The following TTLL8 variants were observed in gnomAD, a reference collection of about 807,000 sequenced individuals.
The protein encoded by TTLL8 is tubulin tyrosine ligase like 8, also known as protein monoglycylase TTLL8.
In TTLL8, 65 loss-of-function variants were observed where a neutral mutation model predicts 77.8. The ratio of observed to expected loss-of-function variants is 0.84; its 90% CI spans 0.68 to 1.03. TTLL8 has a LOEUF of 1.03. TTLL8 is among the 50% of genes least tolerant of loss of function. The pLI is 0.00. For synonymous variants in TTLL8, 402 were observed against 422.8 expected, an observed-to-expected ratio of 0.95 and a Z score of 0.60; for missense variants, 910 against 1,004.5, an observed-to-expected ratio of 0.91 and a Z score of 1.27.
At chr22:50,025,531 C>T (rs565683847) in intron 12 of TTLL8, among the ~76,000 whole-genome samples, 15 of 152,172 alleles carry the variant, frequency 9.9e-5, no homozygotes, top group African/African-American at 3.4e-4. Context: ...CCCAGCTACT[C>T]GGGAGGCTGA....
Position 50,033,187 on chromosome 22 carries a change from G to T in TTLL8, c.1283+15C>A, listed in dbSNP as rs569620278. On this transcript the variant is annotated intron_variant, in intron 10 of 13. Transcript: ENST00000266182. ...TTCCCTGGCCCGAGGTGTCCAGGTCGCCCACCGCACTGACCTGTCCAGCTT... is the reference window on the plus strand; with the variant it reads ...TTCCCTGGCCCGAGGTGTCCAGGTCTCCCACCGCACTGACCTGTCCAGCTT... 3 of 1,304,386 alleles carry T rather than the reference G, an allele frequency of 2.3e-6. No individual in the cohort carries two copies. The highest frequency in any genetic ancestry group is 2.0e-6 in the Non-Finnish European group (2 of 985,410). 80.8% of individuals were successfully genotyped at this position (1,304,386 alleles called of 1,614,324 possible). A position where few individuals can be genotyped will look rare whatever the true frequency, so the allele number is the denominator to read the frequency against.
chr22:50,041,701 G>A lies in TTLL8; in HGVS notation c.750C>T (p.Ile250=), dbSNP rs371137780. Residue 250 remains isoleucine, a synonymous_variant, in exon 7 of 14, where the codon ATC becomes ATT. Coordinates refer to ENST00000266182, the Ensembl canonical transcript of TTLL8. This position sits in a 1 kb window ranked among gnomAD's most constrained non-coding sequence, Gnocchi z 4.3. ...CCTCCACGGCATCTGCTGACGTGTC[G>A]ATGTCCTCATGCTCCAGCTGCCCCA... is the stretch of plus-strand genomic sequence containing the variant. 24 of 1,366,820 alleles carry A rather than the reference G, an allele frequency of 1.8e-5. No homozygotes were observed. Among genetic ancestry groups the A allele is most frequent in the Middle Eastern group, 2.1e-4 (1 of 4,766 alleles). 84.7% of individuals were successfully genotyped at this position (1,366,820 alleles called of 1,614,324 possible). A position where few individuals can be genotyped will look rare whatever the true frequency, so the allele number is the denominator to read the frequency against.
At chr22:50,049,765 A>C (rs1163487859) in intron 2 of TTLL8, among the ~76,000 whole-genome samples, 1 of 152,142 alleles carries the variant, frequency 6.6e-6, no homozygotes, top group African/African-American at 2.4e-5. Flanking sequence ...AGCAGCCAGC[A>C]CCACGGGGGC....
chr22:50,044,871 T>TGGGCTTCCTGTGTCC lies in TTLL8; in HGVS notation c.643+369_643+383dup, dbSNP rs1569231014. ...GTACCACCCAGGGGCGCCTCTCCCC[T>TGGGCTTCCTGTGTCC]GGGCTTCCTGTGTCCTCTCCCACGG... is the stretch of plus-strand genomic sequence containing the variant. On this transcript the variant is annotated intron_variant, in intron 6 of 13. Coordinates refer to ENST00000266182, the Ensembl canonical transcript of TTLL8. The surrounding 1 kb of genome is among the most constrained non-coding windows in gnomAD (Gnocchi z 4.2). Among the ~76,000 whole-genome samples, 1 of 152,160 alleles carries TGGGCTTCCTGTGTCC rather than the reference T, an allele frequency of 6.6e-6. No individual in the cohort carries two copies. The highest frequency in any genetic ancestry group is 1.5e-5 in the Non-Finnish European group (1 of 68,000).
In TTLL8 at chr22:50,044,026, G is replaced by A. The variant is rs1472366095; in HGVS notation, c.643+1229C>T. Among the ~76,000 whole-genome samples the A allele has an allele frequency of 6.6e-6, 1 of 152,112 alleles. No individual in the cohort carries two copies. Among genetic ancestry groups the A allele is most frequent in the Non-Finnish European group, 1.5e-5 (1 of 68,016 alleles). On this transcript the variant is annotated intron_variant, in intron 6 of 13. Transcript: ENST00000266182. This position sits in a 1 kb window ranked among gnomAD's most constrained non-coding sequence, Gnocchi z 4.2. Reference sequence around the variant, plus strand: ...GTGTCATTGTAGGTTCATCAATTGTGTTAAAATCATTAATTAGGCCAGGTA... The same window carrying A: ...GTGTCATTGTAGGTTCATCAATTGTATTAAAATCATTAATTAGGCCAGGTA...
chr22:50,052,720 T>G (rs77905794), intron 1 of TTLL8, among the ~76,000 whole-genome samples: 3 of 152,182 alleles, frequency 2.0e-5, no homozygotes, highest in Non-Finnish European at 4.4e-5. Flanking sequence ...TTCAATTCAC[T>G]AGAAAGATAC....
intron 8 of TTLL8, among the ~76,000 whole-genome samples, chr22:50,040,249 C>G (rs1208931564): frequency 6.6e-6 from 1 of 150,908 alleles, no homozygotes; most frequent in East Asian, 1.9e-4. Flanking sequence ...CGTAGGCAGA[C>G]CTCATGGATC....
At position 50,050,166 on chromosome 22, in the gene TTLL8, A is replaced by T. The variant is rs1394764758; in HGVS notation, c.133T>A (p.Phe45Ile). The T allele has an allele frequency of 8.0e-6, 11 of 1,366,732 alleles. No individual in the cohort carries two copies. In the South Asian group the frequency reaches 1.3e-4, roughly 16 times the overall value. 84.7% of individuals were successfully genotyped at this position (1,366,732 alleles called of 1,614,324 possible). A position where few individuals can be genotyped will look rare whatever the true frequency, so the allele number is the denominator to read the frequency against. ...GGAATGACCTTGGGCAAAAAGTGGA[A>T]CTTCTTCTCTACCCAGCCCTTCCTT... Residue 45 changes from phenylalanine (F) to isoleucine (I), a missense_variant, in exon 2 of 14, where the codon TTC (phenylalanine) becomes ATC (isoleucine). Phe to Ile is a conservative substitution (Grantham distance 21). Coordinates refer to ENST00000266182, the Ensembl canonical transcript of TTLL8.
chr22:50,049,949 GC>G (rs1288902532), intron 2 of TTLL8, 159 bp downstream of exon 4: 2 of 739,046 alleles, frequency 2.7e-6, no homozygotes, highest in Non-Finnish European at 3.3e-6. Context: ...ACCGCCTGGG[GC>G]AGGGAGGCCA....
chr22:50,050,134 G>A lies in TTLL8; in HGVS notation c.165C>T (p.Val55=), dbSNP rs770977734. The change falls in exon 2 of 14, where the codon GTC becomes GTT. Residue 55 remains valine, a synonymous_variant. Transcript: ENST00000266182. ...CATTGACCCGGGCGCCTTCATCCTCGACATCCGGAATGACCTTGGGCAAAA... is the reference window on the plus strand; with the variant it reads ...CATTGACCCGGGCGCCTTCATCCTCAACATCCGGAATGACCTTGGGCAAAA... 19 of 1,367,102 alleles carry A rather than the reference G, an allele frequency of 1.4e-5. No individual in the cohort carries two copies. In the Middle Eastern group the frequency reaches 6.3e-4, roughly 45 times the overall value. 84.7% of individuals were successfully genotyped at this position (1,367,102 alleles called of 1,614,324 possible).
upstream of TTLL8, among the ~76,000 whole-genome samples, chr22:50,057,462 GGGGATCAGGTCTGGATTGT>G (rs2061483397): frequency 6.2e-4 from 67 of 107,506 alleles, no homozygotes; most frequent in East Asian, 2.0e-3. Flanking sequence ...GTCTGGGTTG[GGGGATCAGGTCTGGATTGT>G]GGGTCAGGTC....
chr22:50,033,878 T>C (rs2061316818), intron 9 of TTLL8, among the ~76,000 whole-genome samples: 1 of 151,894 alleles, frequency 6.6e-6, no homozygotes, highest in Admixed American at 6.6e-5. Context: ...CTACTAAAAA[T>C]ACAAAAAATT....
chr22:50,049,080 G>T, intron 3 of TTLL8, 169 bp downstream of exon 5: 1 of 908,048 alleles, frequency 1.1e-6, no homozygotes, highest in Non-Finnish European at 1.3e-6. Context: ...CCCACCCCTG[G>T]GGGCAGCCAG....
chr22:50,054,014 A>G (rs11703383), intron 1 of TTLL8, among the ~76,000 whole-genome samples: 15,456 of 147,432 alleles, frequency 0.1, 897 homozygotes, highest in South Asian at 0.19. Flanking sequence ...GTCTGCACAT[A>G]TTTGTACACG....
At chr22:50,046,455 T>C (rs2061412331) in intron 4 of TTLL8, among the ~76,000 whole-genome samples, 1 of 152,196 alleles carries the variant, frequency 6.6e-6, no homozygotes, top group African/African-American at 2.4e-5. Context: ...GATGTCTGGT[T>C]TGTCACCCTG....
intron 12 of TTLL8, among the ~76,000 whole-genome samples, chr22:50,024,931 T>C (rs2146628394): frequency 6.6e-6 from 1 of 152,336 alleles, no homozygotes; most frequent in East Asian, 1.9e-4. Flanking sequence ...GTTTAATTTT[T>C]GGAGCAGGTG....
chr22:50,046,251 A>C (rs2146686331), intron 4 of TTLL8, among the ~76,000 whole-genome samples: 1 of 152,196 alleles, frequency 6.6e-6, no homozygotes, highest in South Asian at 2.1e-4. Context: ...GCTGCAGCTG[A>C]GGGCACCGAG....
Position 50,033,097 on chromosome 22 carries a change from A to T in TTLL8, c.1283+105T>A, listed in dbSNP as rs1431035821. ...TGTGCCTCTCGTGGTGGCAGGTGGC[A>T]GTGAGGGGGCCCTGCCCGTGCTGCT... On this transcript the variant is annotated intron_variant, in intron 10 of 13. Coordinates refer to ENST00000266182, the Ensembl canonical transcript of TTLL8. 1.1e-5 allele frequency: 13 copies of T among 1,222,410 alleles called. No individual in the cohort carries two copies. The Admixed American group carries it at 2.9e-4, about 27-fold the overall frequency. 75.7% of individuals were successfully genotyped at this position (1,222,410 alleles called of 1,614,324 possible). A position where few individuals can be genotyped will look rare whatever the true frequency, so the allele number is the denominator to read the frequency against.
At chr22:50,026,592 C>T (rs1315644190) in intron 12 of TTLL8, among the ~76,000 whole-genome samples, 2 of 152,200 alleles carry the variant, frequency 1.3e-5, no homozygotes, top group Non-Finnish European at 2.9e-5. Flanking sequence ...GCAGGGGCCA[C>T]CAAAGGTAAT....
Sources: gnomAD v4.1 joint callset for allele counts (sites outside exome capture counted in the v4.1 genomes callset) on GRCh38, gnomAD v4.1.1 for gene constraint, Gnocchi (gnomAD v3.1) non-coding constraint, MANE v1.5 for transcripts, NCBI Gene and HGNC (gene_info 2026-07-23, HGNC 2026-07-21) for gene names.